Variants in PCDH15 observed in about 807,000 individuals in gnomAD.
PCDH15 encodes the protein protocadherin-15.
A neutral mutation model predicts 178.5 loss-of-function variants in PCDH15; 129 were observed. The observed-to-expected ratio is 0.72, with a 90% CI of 0.63 to 0.84. The LOEUF is 0.84. Among genes scored for constraint, PCDH15 ranks in the 40% least tolerant of loss-of-function variants. The pLI, the probability that PCDH15 is intolerant of heterozygous loss-of-function variation, is 0.00. For missense variants in PCDH15, 2,230 were observed against 2,099.9 expected (o/e 1.06, Z -1.21); for synonymous variants, 800 against 732.0 (o/e 1.09, Z -1.50).
At chr10:54,649,717 C>T (rs1017905351) in intron 2 of PCDH15, among the ~76,000 whole-genome samples, 3 of 151,934 alleles carry the variant, frequency 2.0e-5, no homozygotes, top group Non-Finnish European at 2.9e-5. Context: ...ATATAATTTA[C>T]CTAGATTTCT....
chr10:53,866,864 G>C lies in PCDH15; in HGVS notation c.3502-7C>G. ...CAGTATCTTTATCAGTAGCCTAGAC[G>C]GAGGGGAAAAAAAAAGAGATTATAA... is the stretch of plus-strand genomic sequence containing the variant. On this transcript the variant is annotated splice_polypyrimidine_tract_variant and splice_region_variant and intron_variant, in intron 26 of 37. Coordinates refer to ENST00000644397, the MANE Select transcript of PCDH15 (RefSeq NM_001384140.1). 1 of 1,562,898 alleles carries C rather than the reference G, an allele frequency of 6.4e-7. No individual in the cohort carries two copies. Among genetic ancestry groups the C allele is most frequent in the African/African-American group, 1.5e-5 (1 of 67,800 alleles).
intron 2 of PCDH15, among the ~76,000 whole-genome samples, chr10:55,464,409 A>G (rs1244677135): frequency 6.6e-6 from 1 of 152,026 alleles, no homozygotes; most frequent in Non-Finnish European, 1.5e-5. Flanking sequence ...TAAGGAAAAC[A>G]ATGAAAGAAA....
intron 1 of PCDH15, among the ~76,000 whole-genome samples, chr10:54,784,465 A>G (rs1360267700): frequency 1.3e-5 from 2 of 151,888 alleles, no homozygotes; most frequent in African/African-American, 2.4e-5. Flanking sequence ...GTGCTGAAAG[A>G]AAAAAATAAA....
intron 5 of PCDH15, among the ~76,000 whole-genome samples, chr10:54,354,134 C>T (rs1040568436): frequency 7.9e-5 from 12 of 152,216 alleles, no homozygotes; most frequent in Non-Finnish European, 1.3e-4. Flanking sequence ...TACAGGCATG[C>T]GCCACCACGC....
At chr10:54,534,502 A>C (rs1318360334) in intron 2 of PCDH15, among the ~76,000 whole-genome samples, 1 of 152,182 alleles carries the variant, frequency 6.6e-6, no homozygotes, top group African/African-American at 2.4e-5. Context: ...CCCTGATATG[A>C]GTTGGTGAGA....
intron 35 of PCDH15, among the ~76,000 whole-genome samples, chr10:53,815,187 A>T (rs2076018339): frequency 6.6e-6 from 1 of 152,142 alleles, no homozygotes; most frequent in Non-Finnish European, 1.5e-5. Flanking sequence ...TTTAATATTC[A>T]TTTTTGCTGT....
At chr10:54,220,886 T>C (rs918925116) in intron 9 of PCDH15, among the ~76,000 whole-genome samples, 3 of 151,542 alleles carry the variant, frequency 2.0e-5, no homozygotes, top group Admixed American at 6.6e-5. Flanking sequence ...AATAAATACA[T>C]CTCCTTGGAC....
intron 1 of PCDH15, among the ~76,000 whole-genome samples, chr10:54,698,567 C>T (rs1168616172): frequency 6.6e-6 from 1 of 152,134 alleles, no homozygotes; most frequent in Admixed American, 6.6e-5. Context: ...TGCAGCTGTG[C>T]TGCCTTACAG....
At chr10:54,359,047 T>C (rs1461703983) in intron 5 of PCDH15, among the ~76,000 whole-genome samples, 3 of 148,304 alleles carry the variant, frequency 2.0e-5, no homozygotes, top group South Asian at 4.4e-4. Flanking sequence ...CATTAGGAGA[T>C]ATACCTAATG....
rs182340213 is a variant in PCDH15, at chr10:54,434,990, T to C, written c.158-56048A>G. Among the ~76,000 whole-genome samples the C allele has an allele frequency of 2.6e-5, 4 of 152,292 alleles. No homozygotes were observed. In the East Asian group the frequency reaches 7.7e-4, roughly 29 times the overall value. ...ATCTCTTCAATAAGAGCATTGAAAC[T>C]AGGAAAGGGGTTTAGTGAGATTTAG... On this transcript the variant is annotated intron_variant, in intron 3 of 37. Coordinates refer to ENST00000644397, the MANE Select transcript of PCDH15 (RefSeq NM_001384140.1).
chr10:55,020,347 G>A (rs1290883443), intron 2 of PCDH15, among the ~76,000 whole-genome samples: 1 of 151,404 alleles, frequency 6.6e-6, no homozygotes, highest in Non-Finnish European at 1.5e-5. Flanking sequence ...TGTAGTAAAT[G>A]CTGAAAAGAT....
At chr10:55,061,137 T>C (rs1022981238) in intron 2 of PCDH15, among the ~76,000 whole-genome samples, 2 of 152,070 alleles carry the variant, frequency 1.3e-5, no homozygotes, top group Non-Finnish European at 2.9e-5. Flanking sequence ...AATGAAAATA[T>C]AAGTCACAGA....
intron 18 of PCDH15, among the ~76,000 whole-genome samples, chr10:54,052,745 A>G (rs1012356168): frequency 1.1e-4 from 16 of 152,120 alleles, no homozygotes; most frequent in African/African-American, 3.4e-4. Context: ...GGTCAGGGGC[A>G]GAATGATATG....
At chr10:54,128,963 GATAAA>G (rs1312538559) in intron 15 of PCDH15, among the ~76,000 whole-genome samples, 2 of 151,996 alleles carry the variant, frequency 1.3e-5, no homozygotes, top group African/African-American at 4.8e-5. Context: ...TCCAAAAACA[GATAAA>G]ATAAAATATA....
intron 32 of PCDH15, 107 bp downstream of exon 32, chr10:53,827,286 T>G: frequency 7.5e-7 from 1 of 1,335,984 alleles, no homozygotes. Context: ...TAGAATAAAA[T>G]AAATAGTCCA....
chr10:54,824,100 AAG>A (rs1024232552), intron 3 of PCDH15, among the ~76,000 whole-genome samples: 4 of 152,260 alleles, frequency 2.6e-5, no homozygotes, highest in African/African-American at 9.6e-5. Context: ...ATGCCAGTGG[AAG>A]AGTTTCCACA....
At chr10:54,171,609 T>G (rs1182310376) in intron 13 of PCDH15, among the ~76,000 whole-genome samples, 1 of 152,034 alleles carries the variant, frequency 6.6e-6, no homozygotes, top group Non-Finnish European at 1.5e-5. Context: ...ACAGCTGATA[T>G]CTCCTGGTGC....
intron 35 of PCDH15, among the ~76,000 whole-genome samples, chr10:53,815,868 G>A (rs1345758297): frequency 6.6e-6 from 1 of 152,124 alleles, no homozygotes; most frequent in Non-Finnish European, 1.5e-5. Context: ...TCAGCATTCT[G>A]TCTTTAAACT....
chr10:55,129,139 C>A (rs945987263), intron 2 of PCDH15, among the ~76,000 whole-genome samples: 8 of 152,094 alleles, frequency 5.3e-5, no homozygotes, highest in African/African-American at 1.4e-4. Context: ...AGCATTCTTG[C>A]TCTCTGCTAC....
Sources: allele counts gnomAD v4.1 joint callset (sites outside exome capture counted in the v4.1 genomes callset), GRCh38; gene constraint gnomAD v4.1.1; transcripts MANE v1.5; gene names NCBI Gene and HGNC (gene_info 2026-07-23, HGNC 2026-07-21).